SERTAD2: variants seen among roughly 807,000 people sequenced by gnomAD.
SERTAD2 encodes SERTA domain-containing protein 2.
SERTAD2 carries 2 observed loss-of-function variants against 15.4 expected under a neutral mutation model. That is an observed-to-expected ratio of 0.13 (90% CI 0.05 to 0.41). SERTAD2 has a LOEUF of 0.41. SERTAD2 is among the 10% of genes least tolerant of loss of function. The pLI, the probability that SERTAD2 is intolerant of heterozygous loss-of-function variation, is 0.99. For missense variants in SERTAD2, 333 were observed against 409.7 expected, an observed-to-expected ratio of 0.81 and a Z score of 1.62; for synonymous variants, 180 against 178.0, an observed-to-expected ratio of 1.01 and a Z score of -0.09.
In SERTAD2 at chr2:64,653,271, C is replaced by T. The variant is rs558333748; in HGVS notation, c.-5+349G>A. Among the ~76,000 whole-genome samples the T allele has an allele frequency of 9.8e-5, 15 of 152,328 alleles. No homozygotes were observed. In the South Asian group the frequency reaches 3.1e-3, roughly 32 times the overall value. Reference sequence around the variant, plus strand: ...TCTCGCACGTTCACAACAACACAACCGCCACAACGCGCACACACATCCCAG... The same window carrying T: ...TCTCGCACGTTCACAACAACACAACTGCCACAACGCGCACACACATCCCAG... On this transcript the variant is annotated intron_variant, in intron 1 of 1. Transcript: ENST00000313349.
In SERTAD2 at chr2:64,634,112, C is replaced by T. The variant is rs1236086964; in HGVS notation, c.*1815G>A. On this transcript the variant is annotated 3_prime_UTR_variant, in exon 2 of 2. Coordinates refer to ENST00000313349, the MANE Select transcript of SERTAD2 (RefSeq NM_014755.3). ...ATTGACAAATGACCAACAACAAAGA[C>T]AACAACAACAACAAAACATCCCATA... 1 of 152,188 alleles carries T rather than the reference C, an allele frequency of 6.6e-6. No individual in the cohort carries two copies. Among genetic ancestry groups the T allele is most frequent in the Non-Finnish European group, 1.5e-5 (1 of 67,974 alleles). 9.4% of individuals were successfully genotyped at this position (152,188 alleles called of 1,614,324 possible).
intron 1 of SERTAD2, among the ~76,000 whole-genome samples, chr2:64,640,473 GCCT>G: frequency 2.3e-5 from 1 of 42,754 alleles, no homozygotes; most frequent in Non-Finnish European, 8.1e-5. Flanking sequence ...CTCCTCAGAA[GCCT>G]CTCTTTCCTC....
intron 1 of SERTAD2, among the ~76,000 whole-genome samples, chr2:64,650,273 T>G (rs1674981509): frequency 1.3e-5 from 2 of 152,166 alleles, no homozygotes; most frequent in African/African-American, 4.8e-5. Context: ...TAAAATATAT[T>G]GTGATATTTT....
At chr2:64,645,597 T>C (rs1409365243) in intron 1 of SERTAD2, among the ~76,000 whole-genome samples, 2 of 152,216 alleles carry the variant, frequency 1.3e-5, no homozygotes, top group Non-Finnish European at 2.9e-5. Flanking sequence ...ACTTTTCTCC[T>C]AGTAAAATAA....
rs1674790587 is a variant in SERTAD2 at position 64,642,156 on chromosome 2, GCAACTGA to G, written c.-4-5288_-4-5282del. On this transcript the variant is annotated intron_variant, in intron 1 of 1. Coordinates refer to ENST00000313349, the MANE Select transcript of SERTAD2 (RefSeq NM_014755.3). ...AGGAATGAACAGCATTTTTGTGATA[GCAACTGA>G]CAACTGACATTAGAAAACAAAATAC... 2.0e-5 allele frequency among the ~76,000 whole-genome samples: 3 copies of G among 152,308 alleles called. No homozygotes were observed. The South Asian group carries it at 6.2e-4, about 32-fold the overall frequency.
Position 64,633,485 on chromosome 2 carries a change from T to C in SERTAD2, c.*2442A>G, listed in dbSNP as rs1014936603. ...GTTACTGTAAATCAGTTTTTAACAA[T>C]GGCAAACCAACTGTTTTACCCTGTT... is the stretch of plus-strand genomic sequence containing the variant. On this transcript the variant is annotated 3_prime_UTR_variant, in exon 2 of 2. Transcript: ENST00000313349. 6.6e-6 allele frequency: 1 copy of C among 152,248 alleles called. No homozygotes were observed. Among genetic ancestry groups the C allele is most frequent in the African/African-American group, 2.4e-5 (1 of 41,466 alleles). 9.4% of individuals were successfully genotyped at this position (152,248 alleles called of 1,614,324 possible).
chr2:64,650,757 G>A (rs1674991960), intron 1 of SERTAD2, among the ~76,000 whole-genome samples: 1 of 151,980 alleles, frequency 6.6e-6, no homozygotes, highest in South Asian at 2.1e-4. Flanking sequence ...CAAAATATAT[G>A]AGTTGTGCAT....
At position 64,651,989 on chromosome 2, in the gene SERTAD2, TA is replaced by T. The variant is rs148142062; in HGVS notation, c.-5+1630del. ...TATTTTAATTAGGGGGTGAAACAAGTAAAAAAAAAAAACTGTTAAAGGATTC... is the reference window on the plus strand; with the variant it reads ...TATTTTAATTAGGGGGTGAAACAAGTAAAAAAAAAAACTGTTAAAGGATTC... On this transcript the variant is annotated intron_variant, in intron 1 of 1. Coordinates refer to ENST00000313349, the MANE Select transcript of SERTAD2 (RefSeq NM_014755.3). Among the ~76,000 whole-genome samples the T allele has an allele frequency of 9.2e-3, 1,278 of 139,160 alleles. 15 individuals are homozygous for T. Among genetic ancestry groups the T allele is most frequent in the African/African-American group, 0.027 (1,050 of 38,222 alleles). 91.3% of individuals were successfully genotyped at this position (139,160 alleles called of 152,430 possible).
rs1357664309 is a variant in SERTAD2 at position 64,634,579 on chromosome 2, G to A, written c.*1348C>T. On this transcript the variant is annotated 3_prime_UTR_variant, in exon 2 of 2. Transcript: ENST00000313349. ...TCCCGGGCCGGCCGAGGCGAGCCAA[G>A]CTCACTGTGGTGATCACGAAGATGC... 6.6e-6 allele frequency: 1 copy of A among 152,200 alleles called. No homozygotes were observed. Among genetic ancestry groups the A allele is most frequent in the Admixed American group, 6.5e-5 (1 of 15,284 alleles). The allele number at this position is 152,200 out of a possible 1,614,324, so 9.4% of individuals were successfully genotyped here.
chr2:64,651,824 G>A (rs1444783368), intron 1 of SERTAD2, among the ~76,000 whole-genome samples: 1 of 152,134 alleles, frequency 6.6e-6, no homozygotes, highest in African/African-American at 2.4e-5. Context: ...CATACACTTG[G>A]TTGGCTTTAC....
chr2:64,649,727 C>T (rs929932440), intron 1 of SERTAD2, among the ~76,000 whole-genome samples: 17 of 152,224 alleles, frequency 1.1e-4, no homozygotes, highest in African/African-American at 4.1e-4. Context: ...AGAAACAAAG[C>T]TGCCTTTGGG....
At chr2:64,651,727 A>T (rs901329854) in intron 1 of SERTAD2, among the ~76,000 whole-genome samples, 1 of 152,222 alleles carries the variant, frequency 6.6e-6, no homozygotes, top group African/African-American at 2.4e-5. Context: ...TAGTTCTTCA[A>T]GGGAAACAAG....
At chr2:64,643,894 A>C (rs948554479) in intron 1 of SERTAD2, among the ~76,000 whole-genome samples, 83 of 151,806 alleles carry the variant, frequency 5.5e-4, no homozygotes, top group African/African-American at 1.8e-3. Context: ...CAAAACAAAA[A>C]AAACACCAAG....
At chr2:64,644,986 C>G (rs1191773250) in intron 1 of SERTAD2, 2 of 150,962 alleles carry the variant, frequency 1.3e-5, no homozygotes, top group Non-Finnish European at 2.9e-5. Flanking sequence ...TGCCCAAAGA[C>G]AAGGCGGAGT....
At chr2:64,638,409 C>T (rs1221166348) in intron 1 of SERTAD2, among the ~76,000 whole-genome samples, 1 of 152,224 alleles carries the variant, frequency 6.6e-6, no homozygotes, top group Admixed American at 6.5e-5. Flanking sequence ...AATTTCAAGT[C>T]TCGACCTAAA....
Position 64,636,594 on chromosome 2 carries a change from G to C in SERTAD2, c.278C>G (p.Thr93Ser), listed in dbSNP as rs753068366. Reference sequence around the variant, plus strand: ...TCGGTAGCTGTCGCTGGGCTCGGTGGTGGGCTGGGAGGAGGGGGTGAACAT... The same window carrying C: ...TCGGTAGCTGTCGCTGGGCTCGGTGCTGGGCTGGGAGGAGGGGGTGAACAT... ...RPMFTPSSQP[T>S]TEPSDSYREA... Residue 93 changes from threonine to serine, a missense_variant, in exon 2 of 2, where the codon ACC becomes AGC. Physicochemically the swap from Thr to Ser is moderately conservative, Grantham distance 58. This residue lies in a region of SERTAD2 where 332 missense variants were observed against 392.9 expected (regional missense o/e 0.84). Coordinates refer to ENST00000313349, the MANE Select transcript of SERTAD2 (RefSeq NM_014755.3). 1 of 1,605,970 alleles carries C rather than the reference G, an allele frequency of 6.2e-7. No homozygotes were observed. Among genetic ancestry groups the C allele is most frequent in the Non-Finnish European group, 8.5e-7 (1 of 1,174,752 alleles).
rs1315701926 is a variant in SERTAD2, at chr2:64,633,996, A to T, written c.*1931T>A. On this transcript the variant is annotated 3_prime_UTR_variant, in exon 2 of 2. Transcript: ENST00000313349. ...AAATAAAACTAACTATGGCTTGCTT[A>T]AAGTGCCATTTTATAAAGTTGTCTT... is the stretch of plus-strand genomic sequence containing the variant. 1.3e-5 allele frequency: 2 copies of T among 152,672 alleles called. No homozygotes were observed. The highest frequency in any genetic ancestry group is 2.9e-5 in the Non-Finnish European group (2 of 68,042). 9.5% of individuals were successfully genotyped at this position (152,672 alleles called of 1,614,324 possible). A position where few individuals can be genotyped will look rare whatever the true frequency, so the allele number is the denominator to read the frequency against.
At chr2:64,646,995 A>T (rs1006507533) in intron 1 of SERTAD2, among the ~76,000 whole-genome samples, 1 of 152,244 alleles carries the variant, frequency 6.6e-6, no homozygotes, top group East Asian at 1.9e-4. Context: ...CTACTTCTTA[A>T]TAACTATAAA....
chr2:64,635,866 C>G lies in SERTAD2; in HGVS notation c.*61G>C. The G allele has an allele frequency of 7.7e-7, 1 of 1,303,820 alleles. No homozygotes were observed. The highest frequency in any genetic ancestry group is 2.3e-5 in the East Asian group (1 of 43,104). 80.8% of individuals were successfully genotyped at this position (1,303,820 alleles called of 1,614,324 possible). On this transcript the variant is annotated 3_prime_UTR_variant, in exon 2 of 2. Coordinates refer to ENST00000313349, the MANE Select transcript of SERTAD2 (RefSeq NM_014755.3). ...AAGGGTGCATGCACAGTGTGGAGAA[C>G]TGTCAGGGTTATGGGAACGCTCTGG... is the stretch of plus-strand genomic sequence containing the variant.
Sources: allele counts gnomAD v4.1 joint callset (sites outside exome capture counted in the v4.1 genomes callset), GRCh38; gene constraint gnomAD v4.1.1; regional missense constraint gnomAD v4.1.1; transcripts MANE v1.5; gene names NCBI Gene and HGNC (gene_info 2026-07-23, HGNC 2026-07-21).